Variants in SYT2 observed in about 807,000 individuals in gnomAD.
SYT2 encodes the protein synaptotagmin 2.
A neutral mutation model predicts 39.9 loss-of-function variants in SYT2; 15 were observed. The observed-to-expected ratio is 0.38, with a 90% CI of 0.25 to 0.58. The LOEUF is 0.58. Among genes scored for constraint, SYT2 ranks in the 20% least tolerant of loss-of-function variants. The pLI, the probability that SYT2 is intolerant of heterozygous loss-of-function variation, is 0.70. For missense variants in SYT2, 389 were observed against 530.3 expected, an observed-to-expected ratio of 0.73 and a Z score of 2.62; for synonymous variants, 181 against 204.5, an observed-to-expected ratio of 0.89 and a Z score of 0.98.
At chr1:202,670,985 T>G (rs1692576463) in intron 1 of SYT2, among the ~76,000 whole-genome samples, 2 of 152,226 alleles carry the variant, frequency 1.3e-5, no homozygotes, top group South Asian at 4.1e-4. Flanking sequence ...GGCCTGAGTC[T>G]GTTCACCTGG....
chr1:202,692,206 C>T (rs1653854500), intron 1 of SYT2, among the ~76,000 whole-genome samples: 1 of 152,060 alleles, frequency 6.6e-6, no homozygotes, highest in African/African-American at 2.4e-5. Context: ...CTTGGCTCTC[C>T]CCTCTAACCC....
chr1:202,692,658 G>A (rs1295383799), intron 1 of SYT2, among the ~76,000 whole-genome samples: 1 of 152,230 alleles, frequency 6.6e-6, no homozygotes, highest in Non-Finnish European at 1.5e-5. Flanking sequence ...ATGAAAAAGT[G>A]GGGCCCGTAA....
rs1169828429 is a variant in SYT2 at position 202,623,657 on chromosome 1, A to G, written c.-17-17868T>C. ...CTGGTGTAGGATACGGAAAGTGTGT[A>G]GGGGGGGTGCACCCGTGGGCCCCAG... On this transcript the variant is annotated intron_variant, in intron 1 of 8. Transcript: ENST00000367268. The surrounding 1 kb of genome is among the most constrained non-coding windows in gnomAD (Gnocchi z 4.2). 6.6e-6 allele frequency among the ~76,000 whole-genome samples: 1 copy of G among 152,156 alleles called. No homozygotes were observed. Among genetic ancestry groups the G allele is most frequent in the Non-Finnish European group, 1.5e-5 (1 of 68,022 alleles).
At chr1:202,604,697 T>C in intron 2 of SYT2, 76 bp from the exon 3 acceptor site, 1 of 1,458,000 alleles carries the variant, frequency 6.9e-7, no homozygotes, top group Non-Finnish European at 9.3e-7. Flanking sequence ...TTGGGAAAAA[T>C]GGGTGAGGAA....
At chr1:202,693,447 G>A (rs904764432) in intron 1 of SYT2, among the ~76,000 whole-genome samples, 2 of 152,160 alleles carry the variant, frequency 1.3e-5, no homozygotes, top group East Asian at 1.9e-4. Context: ...ACAATACTGA[G>A]ATACAAGTCC....
At chr1:202,675,932 A>T (rs532322851) in intron 1 of SYT2, among the ~76,000 whole-genome samples, 1 of 152,272 alleles carries the variant, frequency 6.6e-6, no homozygotes, top group Non-Finnish European at 1.5e-5. Context: ...TTTCCATTTA[A>T]TCCTCACAGC....
At chr1:202,647,949 C>T (rs370711420) in intron 1 of SYT2, among the ~76,000 whole-genome samples, 2 of 152,110 alleles carry the variant, frequency 1.3e-5, no homozygotes, top group East Asian at 3.9e-4. Context: ...ATGGATACCA[C>T]GATGGTTCAA....
At chr1:202,632,081 G>A (rs1691611489) in intron 1 of SYT2, 2 of 985,274 alleles carry the variant, frequency 2.0e-6, no homozygotes, top group Non-Finnish European at 1.2e-6. Flanking sequence ...GGGTAAGAGG[G>A]GAGAAACAAG....
At chr1:202,605,312 A>G in intron 2 of SYT2, 1 of 275,868 alleles carries the variant, frequency 3.6e-6, no homozygotes, top group Non-Finnish European at 6.8e-6. Flanking sequence ...TCTGTTTCAT[A>G]ATTTTTCATC....
Position 202,668,225 on chromosome 1 carries a change from C to T in SYT2, c.-18+42033G>A, listed in dbSNP as rs746007150. On this transcript the variant is annotated intron_variant, in intron 1 of 8. Coordinates refer to ENST00000367268, the MANE Select transcript of SYT2 (RefSeq NM_177402.5). ...GACATGGGCTCACACATCTCTCGTG[C>T]GCTCATCCACATCTGTTGGTACACT... is the stretch of plus-strand genomic sequence containing the variant. Among the ~76,000 whole-genome samples the T allele has an allele frequency of 5.3e-5, 8 of 152,168 alleles. No homozygotes were observed. The South Asian group carries it at 1.0e-3, about 20-fold the overall frequency.
intron 1 of SYT2, among the ~76,000 whole-genome samples, chr1:202,650,842 T>C (rs1187970805): frequency 6.6e-6 from 1 of 152,216 alleles, no homozygotes; most frequent in Non-Finnish European, 1.5e-5. Context: ...AGATGGCTTC[T>C]GAGTGGCTCT....
intron 1 of SYT2, among the ~76,000 whole-genome samples, chr1:202,684,408 C>T (rs2149114086): frequency 6.6e-6 from 1 of 151,744 alleles, no homozygotes; most frequent in Admixed American, 6.6e-5. Flanking sequence ...CTGTGTCTGG[C>T]TTATTTCAGT....
chr1:202,599,681 C>T lies in SYT2; in HGVS notation c.920-330G>A, dbSNP rs192498871. 1.3e-5 allele frequency among the ~76,000 whole-genome samples: 2 copies of T among 152,264 alleles called. No homozygotes were observed. Among genetic ancestry groups the T allele is most frequent in the Admixed American group, 6.5e-5 (1 of 15,300 alleles). On this transcript the variant is annotated intron_variant, in intron 7 of 8. Transcript: ENST00000367268. This position sits in a 1 kb window ranked among gnomAD's most constrained non-coding sequence, Gnocchi z 4.4. ...GGTGGGGAGTGCTGAAGTCAGGACA[C>T]ACATCTGCTGGGTCATAATCCCAAT... is the stretch of plus-strand genomic sequence containing the variant.
At chr1:202,691,228 T>C (rs979077552) in intron 1 of SYT2, among the ~76,000 whole-genome samples, 3 of 152,164 alleles carry the variant, frequency 2.0e-5, no homozygotes, top group African/African-American at 7.2e-5. Flanking sequence ...CCACTCAGTA[T>C]ACAGAGCCTG....
intron 1 of SYT2, chr1:202,632,442 AC>A (rs1333147291): frequency 3.6e-6 from 2 of 563,334 alleles, no homozygotes; most frequent in Non-Finnish European, 4.5e-6. Context: ...ACAGGCAAGA[AC>A]AGCAAACCTG....
chr1:202,628,274 G>A lies in SYT2; in HGVS notation c.-17-22485C>T, dbSNP rs1291309950. ...CCTTCCCCAGAGGATGGAAAGAGCT[G>A]TACTCCCAGGTAGCAGAGCAGCTCG... is the stretch of plus-strand genomic sequence containing the variant. On this transcript the variant is annotated intron_variant, in intron 1 of 8. Coordinates refer to ENST00000367268, the MANE Select transcript of SYT2 (RefSeq NM_177402.5). The surrounding 1 kb of genome is among the most constrained non-coding windows in gnomAD (Gnocchi z 4.2). Among the ~76,000 whole-genome samples the A allele has an allele frequency of 6.6e-6, 1 of 152,174 alleles. No homozygotes were observed. Among genetic ancestry groups the A allele is most frequent in the East Asian group, 1.9e-4 (1 of 5,188 alleles).
intron 1 of SYT2, among the ~76,000 whole-genome samples, chr1:202,704,123 G>A (rs1374616896): frequency 1.3e-5 from 2 of 152,168 alleles, no homozygotes; most frequent in Non-Finnish European, 2.9e-5. Flanking sequence ...TTTCTCTGCA[G>A]GGGATGGGAG....
rs1654002683 is a variant in SYT2, at chr1:202,697,468, TGA to T, written c.-18+12788_-18+12789del. Among the ~76,000 whole-genome samples, 5 of 152,260 alleles carry T rather than the reference TGA, an allele frequency of 3.3e-5. No homozygotes were observed. In the South Asian group the frequency reaches 1.0e-3, roughly 31 times the overall value. Reference sequence around the variant, plus strand: ...CGGTACACGAACTTGTGTAAAGTTGTGAGTCTTCCCTACTCTGAGCCGAATGT... The same window carrying T: ...CGGTACACGAACTTGTGTAAAGTTGTGTCTTCCCTACTCTGAGCCGAATGT... On this transcript the variant is annotated intron_variant, in intron 1 of 8. Transcript: ENST00000367268.
At chr1:202,648,740 C>T (rs942521458) in intron 1 of SYT2, among the ~76,000 whole-genome samples, 4 of 152,156 alleles carry the variant, frequency 2.6e-5, no homozygotes, top group African/African-American at 9.7e-5. Context: ...CACAGTCAGG[C>T]TCCAGACATA....
Sources: gnomAD v4.1 joint callset for allele counts (sites outside exome capture counted in the v4.1 genomes callset) on GRCh38, gnomAD v4.1.1 for gene constraint, Gnocchi (gnomAD v3.1) non-coding constraint, MANE v1.5 for transcripts, NCBI Gene and HGNC (gene_info 2026-07-23, HGNC 2026-07-21) for gene names.